PDSS2: variants seen among roughly 807,000 people sequenced by gnomAD.
The protein encoded by PDSS2 is decaprenyl diphosphate synthase subunit 2.
Under a neutral mutation model 44.5 loss-of-function variants are expected in PDSS2, and 31 were observed. The ratio of observed to expected loss-of-function variants is 0.70; its 90% CI spans 0.52 to 0.94. The LOEUF is 0.94. Ranked by LOEUF, PDSS2 falls within the 40% of genes least tolerant of loss-of-function variation. PDSS2 has a pLI of 0.00. For missense variants in PDSS2, 452 were observed against 482.2 expected (o/e 0.94, Z 0.59); for synonymous variants, 157 against 180.3 (o/e 0.87, Z 1.03).
At chr6:107,341,773 A>C (rs1778088285) in intron 1 of PDSS2, among the ~76,000 whole-genome samples, 1 of 152,158 alleles carries the variant, frequency 6.6e-6, no homozygotes, top group East Asian at 1.9e-4. Flanking sequence ...GCTTTCATGG[A>C]CTTACTATAA....
chr6:107,154,254 T>C lies in PDSS2; in HGVS notation c.*365A>G, dbSNP rs1770805250. Reference sequence around the variant, plus strand: ...GACACCTGCAGCTTCCAACTTGCTTTGTCCTCTCTAGCAGGAAAAACCACA... The same window carrying C: ...GACACCTGCAGCTTCCAACTTGCTTCGTCCTCTCTAGCAGGAAAAACCACA... On this transcript the variant is annotated 3_prime_UTR_variant, in exon 8 of 8. Coordinates refer to ENST00000369037, the MANE Select transcript of PDSS2 (RefSeq NM_020381.4). 3 of 304,232 alleles carry C rather than the reference T, an allele frequency of 9.9e-6. No individual in the cohort carries two copies. The highest frequency in any genetic ancestry group is 1.9e-5 in the Non-Finnish European group (3 of 158,686). The allele number at this position is 304,232 out of a possible 1,614,324, so 18.8% of individuals were successfully genotyped here.
chr6:107,210,433 T>C lies in PDSS2; in HGVS notation c.1008+6A>G. The C allele has an allele frequency of 1.9e-6, 3 of 1,602,558 alleles. No homozygotes were observed. The South Asian group carries it at 3.3e-5, about 18-fold the overall frequency. On this transcript the variant is annotated splice_donor_region_variant and intron_variant, in intron 6 of 7. Transcript: ENST00000369037. ...GGTACCTAAAACAGGAGTAATTTCA[T>C]TTTACCTCTCCGATCTGTTTAATCC...
intron 3 of PDSS2, among the ~76,000 whole-genome samples, chr6:107,246,085 C>A (rs983059085): frequency 6.6e-6 from 1 of 152,080 alleles, no homozygotes; most frequent in African/African-American, 2.4e-5. Flanking sequence ...CATTCTGTTA[C>A]ACTTAAAATG....
intron 2 of PDSS2, among the ~76,000 whole-genome samples, chr6:107,311,365 C>T (rs1372342557): frequency 6.6e-6 from 1 of 151,822 alleles, no homozygotes; most frequent in African/African-American, 2.4e-5. Context: ...TGCCATCACT[C>T]CTGGTTAATT....
intron 1 of PDSS2, among the ~76,000 whole-genome samples, chr6:107,345,607 GAA>G (rs1371709667): frequency 6.6e-6 from 1 of 151,710 alleles, no homozygotes; most frequent in African/African-American, 2.4e-5. Flanking sequence ...GGGAAATGAT[GAA>G]ATACTTTATA....
rs1420019473 is a variant in PDSS2, at chr6:107,354,593, T to C, written c.297-20261A>G. ...CAGTGAAGTCTGAAGAGCCAATTCC[T>C]GCATGTATTATCAGCACATGTGAAG... On this transcript the variant is annotated intron_variant, in intron 1 of 7. Coordinates refer to ENST00000369037, the MANE Select transcript of PDSS2 (RefSeq NM_020381.4). Among the ~76,000 whole-genome samples the C allele has an allele frequency of 3.3e-5, 5 of 152,354 alleles. No homozygotes were observed. In the South Asian group the frequency reaches 1.0e-3, roughly 32 times the overall value.
chr6:107,189,222 A>T (rs34934399), intron 7 of PDSS2, among the ~76,000 whole-genome samples: 2 of 151,750 alleles, frequency 1.3e-5, no homozygotes, highest in African/African-American at 2.4e-5. Context: ...TAATTTTTGT[A>T]TTTTTTTTAG....
At chr6:107,196,697 C>G (rs1772573702) in intron 6 of PDSS2, among the ~76,000 whole-genome samples, 1 of 152,204 alleles carries the variant, frequency 6.6e-6, no homozygotes, top group South Asian at 2.1e-4. Context: ...AACGAGCTGA[C>G]TGATGGCTGG....
chr6:107,406,535 C>T (rs1780325617), intron 1 of PDSS2, among the ~76,000 whole-genome samples: 1 of 152,166 alleles, frequency 6.6e-6, no homozygotes, highest in Non-Finnish European at 1.5e-5. Context: ...TTTGCTTCTA[C>T]CACCAATCTG....
chr6:107,176,429 T>TACACAC lies in PDSS2; in HGVS notation c.1041+17387_1041+17392dup, dbSNP rs71012784. On this transcript the variant is annotated intron_variant, in intron 7 of 7. Transcript: ENST00000369037. The stretch of plus-strand genomic sequence containing the variant: ...TTCCCCCTTAACACACACACACACA[T>TACACAC]ACACACACACACACACACACACACA... 9.6e-4 allele frequency among the ~76,000 whole-genome samples: 144 copies of TACACAC among 149,800 alleles called. 1 individual carries two copies. Among genetic ancestry groups the TACACAC allele is most frequent in the African/African-American group, 3.2e-3 (132 of 40,626 alleles).
chr6:107,255,386 T>A (rs943550504), intron 3 of PDSS2, among the ~76,000 whole-genome samples: 4 of 151,288 alleles, frequency 2.6e-5, no homozygotes, highest in Admixed American at 6.6e-5. Flanking sequence ...GAGATGGGGT[T>A]TTGCCATGTT....
intron 3 of PDSS2, among the ~76,000 whole-genome samples, chr6:107,272,008 G>A (rs1775614416): frequency 6.6e-6 from 1 of 150,710 alleles, no homozygotes; most frequent in Non-Finnish European, 1.5e-5. Flanking sequence ...AGGCTGCAGT[G>A]ATCACGCCAC....
At chr6:107,159,363 G>GGGAA (rs1414868243) in intron 7 of PDSS2, among the ~76,000 whole-genome samples, 30 of 149,864 alleles carry the variant, frequency 2.0e-4, no homozygotes, top group African/African-American at 7.3e-4. Flanking sequence ...AAAGAAGGGA[G>GGGAA]GGAGGGAGGG....
At chr6:107,163,592 A>G (rs1438888603) in intron 7 of PDSS2, among the ~76,000 whole-genome samples, 1 of 151,470 alleles carries the variant, frequency 6.6e-6, no homozygotes, top group Non-Finnish European at 1.5e-5. Context: ...GAAAAGAATG[A>G]TCTTGTTCTT....
chr6:107,364,946 G>C (rs1266817554), intron 1 of PDSS2, among the ~76,000 whole-genome samples: 2 of 152,226 alleles, frequency 1.3e-5, no homozygotes, highest in Non-Finnish European at 2.9e-5. Context: ...AGTCCTGGGG[G>C]AGGCGGGGAA....
At chr6:107,254,391 T>C (rs554847603) in intron 3 of PDSS2, among the ~76,000 whole-genome samples, 21 of 152,250 alleles carry the variant, frequency 1.4e-4, no homozygotes, top group Non-Finnish European at 2.6e-4. Context: ...AAGGAGACGT[T>C]TTCCAGCAGA....
chr6:107,297,568 G>A (rs976504773), intron 2 of PDSS2, among the ~76,000 whole-genome samples: 1 of 151,874 alleles, frequency 6.6e-6, no homozygotes, highest in African/African-American at 2.4e-5. Context: ...TTTTAGTAGA[G>A]ACTGGGTTTC....
intron 1 of PDSS2, among the ~76,000 whole-genome samples, chr6:107,429,905 T>TATAC (rs1781133726): frequency 6.1e-5 from 1 of 16,396 alleles, no homozygotes; most frequent in South Asian, 2.8e-3. Context: ...AAAAAAAATA[T>TATAC]ATATATATAT....
chr6:107,375,107 T>C (rs1359799213), intron 1 of PDSS2, among the ~76,000 whole-genome samples: 1 of 151,910 alleles, frequency 6.6e-6, no homozygotes, highest in African/African-American at 2.4e-5. Flanking sequence ...AATGCAGAAA[T>C]TTATAGTATT....
Sources: gnomAD v4.1 joint callset for allele counts (sites outside exome capture counted in the v4.1 genomes callset) on GRCh38, gnomAD v4.1.1 for gene constraint, MANE v1.5 for transcripts, NCBI Gene and HGNC (gene_info 2026-07-23, HGNC 2026-07-21) for gene names.